Variants in DPH6 observed in about 807,000 individuals in gnomAD.
The protein encoded by DPH6 is diphthine--ammonia ligase.
DPH6 carries 33 observed loss-of-function variants against 38.2 expected under a neutral mutation model. The observed-to-expected ratio is 0.86, with a 90% confidence interval of 0.65 to 1.15. The LOEUF (loss-of-function observed/expected upper bound fraction) is 1.15, where lower values mean the gene tolerates loss of function less well. Among genes scored for constraint, DPH6 ranks in the 50% most tolerant of loss-of-function variants. The pLI, the probability that DPH6 is intolerant of heterozygous loss-of-function variation, is 0.00. For missense variants in DPH6, 325 were observed against 320.0 expected (o/e 1.02, Z -0.12); for synonymous variants, 108 against 103.0 (o/e 1.05, Z -0.30).
At chr15:35,506,548 C>T (rs983910785) in intron 3 of DPH6, among the ~76,000 whole-genome samples, 2 of 152,134 alleles carry the variant, frequency 1.3e-5, no homozygotes, top group Non-Finnish European at 2.9e-5. Context: ...CTACAGCCCA[C>T]GCTAGGTCAC....
intron 6 of DPH6, among the ~76,000 whole-genome samples, chr15:35,400,011 G>A (rs1299399553): frequency 2.0e-5 from 3 of 152,178 alleles, no homozygotes; most frequent in African/African-American, 7.2e-5. Context: ...CAATGTTAGC[G>A]TTATAATAGG....
intron 6 of DPH6, among the ~76,000 whole-genome samples, chr15:35,408,832 T>G (rs574376084): frequency 1.3e-5 from 2 of 152,022 alleles, no homozygotes; most frequent in Non-Finnish European, 2.9e-5. Context: ...TTCCAGGTAC[T>G]TGAGGCATCT....
chr15:35,207,246 C>T, the DPH6 span, among the ~76,000 whole-genome samples: 5 of 151,806 alleles, frequency 3.3e-5, no homozygotes, highest in South Asian at 1.0e-3. Flanking sequence ...CAGGGTCTTG[C>T]TATTTTGCCA....
At chr15:35,454,141 T>C (rs1290326050) in intron 4 of DPH6, among the ~76,000 whole-genome samples, 2 of 152,140 alleles carry the variant, frequency 1.3e-5, no homozygotes, top group East Asian at 1.9e-4. Flanking sequence ...GATTTTTGAA[T>C]AGATCAATAG....
At chr15:35,373,697 C>T (rs1003207569) in intron 7 of DPH6, 89 bp from the exon 8 acceptor site, 2 of 989,050 alleles carry the variant, frequency 2.0e-6, no homozygotes, top group African/African-American at 3.3e-5. Context: ...ACTAAACATT[C>T]TTGTTTTATA....
Position 35,240,414 on chromosome 15 carries a change from T to C in DPH6, n.201-19832A>G, listed in dbSNP as rs538871063. Among the ~76,000 whole-genome samples, 42 of 142,312 alleles carry C rather than the reference T, an allele frequency of 3.0e-4. 5 individuals are homozygous for C. The highest frequency in any genetic ancestry group is 8.4e-4 in the Admixed American group (11 of 13,032). The allele number at this position is 142,312 out of a possible 152,430, so 93.4% of individuals were successfully genotyped here. A position where few individuals can be genotyped will look rare whatever the true frequency, so the allele number is the denominator to read the frequency against. The stretch of plus-strand genomic sequence containing the variant: ...AACCCCAAGCATCACTGAGTCTTTC[T>C]AATCTTCCTTTTCTACAGACCCATC... On this transcript the variant is annotated intron_variant and non_coding_transcript_variant, in intron 3 of 3. Coordinates refer to the DPH6 transcript ENST00000560386.
chr15:35,474,352 C>T (rs1234235730), intron 3 of DPH6, among the ~76,000 whole-genome samples: 7 of 152,120 alleles, frequency 4.6e-5, no homozygotes, highest in African/African-American at 1.4e-4. Context: ...AATACTGCCA[C>T]ATAAACATAT....
exon 4 of DPH6, chr15:35,219,156 T>A (rs906836767): frequency 6.6e-6 from 1 of 152,196 alleles, no homozygotes; most frequent in Admixed American, 6.5e-5. Context: ...TAAAGCAGCA[T>A]CCTTTTATGT....
the DPH6 span, among the ~76,000 whole-genome samples, chr15:35,149,422 A>G: frequency 6.6e-6 from 1 of 152,156 alleles, no homozygotes; most frequent in East Asian, 1.9e-4. Flanking sequence ...TATTTTTAGT[A>G]GAGACGGGGT....
intron 5 of DPH6, among the ~76,000 whole-genome samples, chr15:35,448,507 T>G (rs1329716830): frequency 6.6e-6 from 1 of 152,142 alleles, no homozygotes; most frequent in Non-Finnish European, 1.5e-5. Flanking sequence ...CAGACATATA[T>G]CATTTCACAT....
intron 5 of DPH6, among the ~76,000 whole-genome samples, chr15:35,450,201 G>A (rs2141078428): frequency 6.6e-6 from 1 of 151,918 alleles, no homozygotes; most frequent in Admixed American, 6.5e-5. Flanking sequence ...ACAAAAACCA[G>A]TACCCTATTT....
intron 3 of DPH6, among the ~76,000 whole-genome samples, chr15:35,351,617 C>T (rs1595494476): frequency 6.6e-6 from 1 of 151,900 alleles, no homozygotes; most frequent in Non-Finnish European, 1.5e-5. Flanking sequence ...TTTATGGTTA[C>T]ATCAGTCTGT....
At chr15:35,337,084 T>C (rs1159924077) in intron 3 of DPH6, among the ~76,000 whole-genome samples, 1 of 152,136 alleles carries the variant, frequency 6.6e-6, no homozygotes, top group Non-Finnish European at 1.5e-5. Flanking sequence ...CCTGGACTCT[T>C]TTTGGTTGGT....
chr15:35,292,887 T>C (rs2051989362), intron 3 of DPH6, among the ~76,000 whole-genome samples: 1 of 152,168 alleles, frequency 6.6e-6, no homozygotes, highest in Non-Finnish European at 1.5e-5. Context: ...ATATAACATT[T>C]TAAAGGTATT....
intron 5 of DPH6, among the ~76,000 whole-genome samples, chr15:35,426,875 A>G (rs919886616): frequency 6.6e-6 from 1 of 151,572 alleles, no homozygotes; most frequent in Non-Finnish European, 1.5e-5. Flanking sequence ...TTAAAAAAAA[A>G]AAAACAACCT....
chr15:35,470,188 G>C (rs773001131), intron 3 of DPH6, among the ~76,000 whole-genome samples: 2 of 152,094 alleles, frequency 1.3e-5, no homozygotes, highest in East Asian at 3.9e-4. Context: ...GAGAGAGCAA[G>C]ACTGTGTCTC....
intron 6 of DPH6, among the ~76,000 whole-genome samples, chr15:35,396,745 A>C (rs142661970): frequency 2.1e-4 from 32 of 152,274 alleles, no homozygotes; most frequent in African/African-American, 6.7e-4. Flanking sequence ...ATATCCTTCA[A>C]ACTTTGTTAT....
Position 35,401,403 on chromosome 15 carries a change from T to C in DPH6, c.567+9432A>G, listed in dbSNP as rs1181916563. The C allele has an allele frequency of 1.2e-5, 9 of 758,928 alleles. No homozygotes were observed. The African/African-American group carries it at 1.5e-4, about 13-fold the overall frequency. The allele number at this position is 758,928 out of a possible 1,614,324, so 47.0% of individuals were successfully genotyped here. A position where few individuals can be genotyped will look rare whatever the true frequency, so the allele number is the denominator to read the frequency against. ...GCTATAATGATTTTGGTAATGATGG[T>C]GGTTATGGAGGAAGCGGCCCTGGTT... On this transcript the variant is annotated intron_variant, in intron 6 of 8. Coordinates refer to ENST00000256538, the MANE Select transcript of DPH6 (RefSeq NM_080650.4).
At chr15:35,268,412 T>A (rs1595454108) in intron 3 of DPH6, among the ~76,000 whole-genome samples, 1 of 151,594 alleles carries the variant, frequency 6.6e-6, no homozygotes, top group African/African-American at 2.4e-5. Context: ...CTGAGAGATA[T>A]TATTAAGGAA....
Sources: gnomAD v4.1 joint callset for allele counts (sites outside exome capture counted in the v4.1 genomes callset) on GRCh38, gnomAD v4.1.1 for gene constraint, MANE v1.5 for transcripts, NCBI Gene and HGNC (gene_info 2026-07-23, HGNC 2026-07-21) for gene names.